Variants in CDH13 observed in about 807,000 individuals in gnomAD.
CDH13 encodes cadherin 13.
Under a neutral mutation model 63.8 loss-of-function variants are expected in CDH13, and 24 were observed. The observed-to-expected ratio is 0.38, with a 90% confidence interval of 0.27 to 0.53. The LOEUF is 0.53. Among genes scored for constraint, CDH13 ranks in the 20% least tolerant of loss-of-function variants. CDH13 has a pLI of 0.85. For synonymous variants in CDH13, 503 were observed against 355.3 expected (o/e 1.42, Z -4.67); for missense variants, 1,049 against 903.1 (o/e 1.16, Z -2.07).
chr16:83,000,880 T>C lies in CDH13; in HGVS notation c.158-31130T>C, dbSNP rs530179259. 1.6e-3 allele frequency among the ~76,000 whole-genome samples: 238 copies of C among 152,284 alleles called. 1 individual carries two copies. The highest frequency in any genetic ancestry group is 5.1e-3 in the African/African-American group (213 of 41,570). ...CGGCGTGAGCCACCGCGCCTGGCCA[T>C]TTATCTGTTAAGGACAGAACATGAC... is the stretch of plus-strand genomic sequence containing the variant. On this transcript the variant is annotated intron_variant, in intron 2 of 13. Transcript: ENST00000567109.
At chr16:83,246,802 G>A (rs1443607969) in intron 5 of CDH13, among the ~76,000 whole-genome samples, 3 of 152,166 alleles carry the variant, frequency 2.0e-5, no homozygotes, top group East Asian at 1.9e-4. Flanking sequence ...ACTTCAAGAT[G>A]TGTTCAGTTG....
intron 4 of CDH13, among the ~76,000 whole-genome samples, chr16:83,159,686 C>T (rs73604275): frequency 0.052 from 7,908 of 152,208 alleles, 678 homozygotes; most frequent in African/African-American, 0.18. Flanking sequence ...CTCATTTGAA[C>T]GTACATGGCA....
At chr16:83,587,344 G>T (rs1025938733) in intron 7 of CDH13, among the ~76,000 whole-genome samples, 1 of 152,172 alleles carries the variant, frequency 6.6e-6, no homozygotes, top group African/African-American at 2.4e-5. Context: ...ATTAGGCAAA[G>T]GTTGTAAAGC....
chr16:82,795,440 A>T (rs2036534735), intron 1 of CDH13, among the ~76,000 whole-genome samples: 1 of 152,142 alleles, frequency 6.6e-6, no homozygotes, highest in Admixed American at 6.5e-5. Flanking sequence ...GGGTCGGGGA[A>T]CCTCAAATTG....
At chr16:83,248,799 C>T (rs1219335333) in intron 5 of CDH13, among the ~76,000 whole-genome samples, 1 of 152,186 alleles carries the variant, frequency 6.6e-6, no homozygotes, top group African/African-American at 2.4e-5. Flanking sequence ...CCATCACTTT[C>T]TGCAGGAAAT....
At chr16:83,172,651 G>A (rs916448370) in intron 4 of CDH13, among the ~76,000 whole-genome samples, 2 of 152,026 alleles carry the variant, frequency 1.3e-5, no homozygotes, top group African/African-American at 4.8e-5. Flanking sequence ...ACAGACCTCA[G>A]AAGCACCTTG....
At chr16:83,062,440 G>C (rs1008473511) in intron 3 of CDH13, among the ~76,000 whole-genome samples, 1 of 152,188 alleles carries the variant, frequency 6.6e-6, no homozygotes, top group Non-Finnish European at 1.5e-5. Flanking sequence ...AAGTATCAAT[G>C]TGGTAAGTGA....
At chr16:83,734,139 A>T (rs1752132792) in intron 10 of CDH13, among the ~76,000 whole-genome samples, 1 of 152,220 alleles carries the variant, frequency 6.6e-6, no homozygotes. Context: ...AGAAGACTGG[A>T]AGCACAAAAA....
intron 6 of CDH13, among the ~76,000 whole-genome samples, chr16:83,423,445 T>G (rs944918476): frequency 6.6e-6 from 1 of 151,980 alleles, no homozygotes. Context: ...GAATCCTTGA[T>G]CTCGCATCTT....
At chr16:83,018,055 C>G (rs546908786) in intron 2 of CDH13, among the ~76,000 whole-genome samples, 14 of 152,234 alleles carry the variant, frequency 9.2e-5, no homozygotes, top group African/African-American at 2.9e-4. Flanking sequence ...ATACAGTAAT[C>G]AAAAGAAATA....
chr16:83,552,589 G>C (rs1239627063), intron 7 of CDH13, among the ~76,000 whole-genome samples: 5 of 152,198 alleles, frequency 3.3e-5, no homozygotes, highest in Non-Finnish European at 7.3e-5. Context: ...GCAGTGAATA[G>C]AAAGTCACAT....
At chr16:83,107,718 G>A (rs1461806975) in intron 3 of CDH13, among the ~76,000 whole-genome samples, 1 of 149,574 alleles carries the variant, frequency 6.7e-6, no homozygotes, top group Non-Finnish European at 1.5e-5. Context: ...TGCGTAGTGA[G>A]TGGAATTTTA....
chr16:83,701,327 G>A (rs988461744), intron 10 of CDH13, among the ~76,000 whole-genome samples: 15 of 152,286 alleles, frequency 9.8e-5, no homozygotes, highest in Admixed American at 9.8e-4. Context: ...TCTGATGATG[G>A]ATGCAGCGCT....
chr16:83,393,702 A>G (rs756231691), intron 6 of CDH13, among the ~76,000 whole-genome samples: 7 of 152,362 alleles, frequency 4.6e-5, no homozygotes, highest in Admixed American at 2.6e-4. Flanking sequence ...CATTCATTCA[A>G]TGAATGAATC....
At chr16:83,259,070 C>G (rs1288207842) in intron 5 of CDH13, among the ~76,000 whole-genome samples, 1 of 152,188 alleles carries the variant, frequency 6.6e-6, no homozygotes, top group Non-Finnish European at 1.5e-5. Context: ...AAAATGTGTC[C>G]TCCTAGCCAG....
intron 7 of CDH13, among the ~76,000 whole-genome samples, chr16:83,493,215 A>T (rs1648299653): frequency 6.6e-6 from 1 of 152,240 alleles, no homozygotes; most frequent in Non-Finnish European, 1.5e-5. Flanking sequence ...AGATGTTTCC[A>T]TGATTGACAA....
chr16:83,683,459 A>T (rs1200116386), intron 10 of CDH13, among the ~76,000 whole-genome samples: 1 of 152,166 alleles, frequency 6.6e-6, no homozygotes, highest in Non-Finnish European at 1.5e-5. Context: ...GTTTTTCATT[A>T]CCAAAATTGG....
intron 3 of CDH13, among the ~76,000 whole-genome samples, chr16:83,046,001 A>G (rs1310561374): frequency 6.6e-6 from 1 of 152,224 alleles, no homozygotes; most frequent in Non-Finnish European, 1.5e-5. Flanking sequence ...GATGTGTGAT[A>G]GTTGCCAGGG....
At chr16:82,641,713 C>T (rs1001578955) in intron 1 of CDH13, among the ~76,000 whole-genome samples, 23 of 152,246 alleles carry the variant, frequency 1.5e-4, no homozygotes, top group African/African-American at 5.5e-4. Context: ...TTCACGCATT[C>T]AGTCATTTAT....
Sources: allele counts gnomAD v4.1 joint callset (sites outside exome capture counted in the v4.1 genomes callset), GRCh38; gene constraint gnomAD v4.1.1; transcripts MANE v1.5; gene names NCBI Gene and HGNC (gene_info 2026-07-23, HGNC 2026-07-21).